UHRF1: variants seen among roughly 807,000 people sequenced by gnomAD.
The protein encoded by UHRF1 is E3 ubiquitin-protein ligase UHRF1.
UHRF1 carries 9 observed loss-of-function variants against 96.5 expected under a neutral mutation model. That is an observed-to-expected ratio of 0.09 (90% CI 0.06 to 0.16). The LOEUF (loss-of-function observed/expected upper bound fraction) is 0.16, where lower values mean the gene tolerates loss of function less well. Among genes scored for constraint, UHRF1 ranks in the 10% least tolerant of loss-of-function variants. The probability of loss-of-function intolerance (pLI) is 1.00; values close to 1 mark genes in which losing one functional copy is unlikely to be tolerated. For synonymous variants in UHRF1, 455 were observed against 469.9 expected, an observed-to-expected ratio of 0.97 and a Z score of 0.41; for missense variants, 626 against 1,131.1, an observed-to-expected ratio of 0.55 and a Z score of 6.40.
intron 2 of UHRF1, among the ~76,000 whole-genome samples, chr19:4,923,663 C>G (rs367791820): frequency 6.6e-6 from 1 of 152,236 alleles, no homozygotes; most frequent in Non-Finnish European, 1.5e-5. Context: ...GCCGCTCTAG[C>G]TTGGGTGCTC....
intron 5 of UHRF1, among the ~76,000 whole-genome samples, chr19:4,934,364 G>A (rs768338335): frequency 7.9e-5 from 12 of 152,078 alleles, no homozygotes; most frequent in Non-Finnish European, 1.0e-4. Flanking sequence ...ATGTTTAAGC[G>A]CACAGTTCGG....
intron 1 of UHRF1, chr19:4,909,870 C>T (rs928220640): frequency 1.6e-5 from 6 of 378,652 alleles, no homozygotes; most frequent in East Asian, 3.8e-5. Context: ...CGGAGCCCGG[C>T]GGGGGGTCGA....
Position 4,950,894 on chromosome 19 carries a change from G to A in UHRF1, c.1716G>A (p.Gly572=), listed in dbSNP as rs552657082. 2 of 1,613,910 alleles carry A rather than the reference G, an allele frequency of 1.2e-6. No individual in the cohort carries two copies. Among genetic ancestry groups the A allele is most frequent in the South Asian group, 1.1e-5 (1 of 91,076 alleles). The part of the protein sequence containing the change: ...VKYWPEKGKS[G]FLVWRYLLRR... ...ACTGGCCCGAGAAGGGGAAGTCCGG[G>A]TTTCTCGTGTGGCGCTACCTTCTGC... Residue 572 remains glycine, a synonymous_variant, in exon 13 of 17, where the codon GGG becomes GGA. Transcript: ENST00000650932.
intron 5 of UHRF1, among the ~76,000 whole-genome samples, chr19:4,939,790 C>T (rs1045598620): frequency 4.6e-5 from 7 of 152,160 alleles, no homozygotes; most frequent in Admixed American, 3.3e-4. Context: ...TTTGGGGGGC[C>T]GAGGTGGGCG....
intron 2 of UHRF1, among the ~76,000 whole-genome samples, chr19:4,928,857 G>A (rs2032955109): frequency 6.6e-6 from 1 of 152,182 alleles, no homozygotes; most frequent in Non-Finnish European, 1.5e-5. Context: ...GAGAAGCAGT[G>A]ACAGAGGTGA....
Position 4,954,858 on chromosome 19 carries a change from C to T in UHRF1, c.2130+36C>T, listed in dbSNP as rs182067243. On this transcript the variant is annotated intron_variant, in intron 15 of 16. Transcript: ENST00000650932. The surrounding 1 kb of genome is among the most constrained non-coding windows in gnomAD (Gnocchi z 5.9). ...ACGGCTCACTCGTCGCCCTGATTTG[C>T]GTTGACTGCGGTAAAATGTGTGGGG... is the stretch of plus-strand genomic sequence containing the variant. The T allele has an allele frequency of 1.1e-4, 178 of 1,606,838 alleles. 1 individual carries two copies. In the African/African-American group the frequency reaches 1.9e-3, roughly 17 times the overall value.
intron 5 of UHRF1, among the ~76,000 whole-genome samples, chr19:4,937,656 G>C (rs1038732961): frequency 6.6e-6 from 1 of 152,088 alleles, no homozygotes; most frequent in Admixed American, 6.6e-5. Context: ...GAGCCACTTC[G>C]CCCGGCCAGT....
intron 5 of UHRF1, among the ~76,000 whole-genome samples, chr19:4,935,995 G>A (rs2033204044): frequency 6.6e-6 from 1 of 152,228 alleles, no homozygotes; most frequent in Admixed American, 6.5e-5. Context: ...ACTGTCACAA[G>A]GCAGGGGTGT....
At chr19:4,924,826 G>GT (rs35008694) in intron 2 of UHRF1, among the ~76,000 whole-genome samples, 9,410 of 127,278 alleles carry the variant, frequency 0.074, 758 homozygotes, top group African/African-American at 0.19. Flanking sequence ...TTGGTGTTAA[G>GT]TTTTTTTTTT....
At chr19:4,952,697 T>C (rs1418584652) in intron 13 of UHRF1, among the ~76,000 whole-genome samples, 2 of 151,978 alleles carry the variant, frequency 1.3e-5, no homozygotes, top group Non-Finnish European at 2.9e-5. Context: ...TTTTTTTTTT[T>C]TTATGACTCT....
intron 5 of UHRF1, among the ~76,000 whole-genome samples, chr19:4,939,458 C>T (rs2033319276): frequency 6.6e-6 from 1 of 151,880 alleles, no homozygotes; most frequent in African/African-American, 2.4e-5. Context: ...TAGCTCACTG[C>T]AGCCTTGAAC....
At chr19:4,940,948 C>G (rs934172392) in intron 5 of UHRF1, among the ~76,000 whole-genome samples, 3 of 151,856 alleles carry the variant, frequency 2.0e-5, no homozygotes, top group Non-Finnish European at 4.4e-5. Context: ...GTTGGAATTA[C>G]AGGTCTGAGC....
intron 1 of UHRF1, among the ~76,000 whole-genome samples, chr19:4,909,995 C>T (rs1195415699): frequency 6.6e-6 from 1 of 150,916 alleles, no homozygotes; most frequent in Admixed American, 6.6e-5. Flanking sequence ...TTCGCGCGCC[C>T]TGAGTTCCCC....
rs774702816 is a variant in UHRF1, at chr19:4,960,724, G to A, written c.2303G>A (p.Arg768His). 2.7e-5 allele frequency: 42 copies of A among 1,572,078 alleles called. No homozygotes were observed. The highest frequency in any genetic ancestry group is 3.3e-5 in the Non-Finnish European group (38 of 1,159,476). Residue 768 changes from arginine to histidine, a missense_variant, in exon 17 of 17, where the codon CGC becomes CAC. Physicochemically the swap from Arg to His is conservative, Grantham distance 29 (BLOSUM62 0). Around this residue, in one of 11 missense-constraint regions of UHRF1, gnomAD observed 84 missense variants for 150.3 expected, o/e 0.56. Transcript: ENST00000650932. ...CCTGCCTGCCGCTACGACCTGGGCC[G>A]CAGCTATGCCATGCAGGTGAACCAG... ...SCPACRYDLG[R>H]SYAMQVNQPL...
At chr19:4,918,289 T>G (rs1473518811) in intron 2 of UHRF1, among the ~76,000 whole-genome samples, 1 of 151,522 alleles carries the variant, frequency 6.6e-6, no homozygotes, top group South Asian at 2.1e-4. Context: ...CCGGCTAATT[T>G]TTTTGTATTT....
At chr19:4,909,762 C>T (rs938169404) in intron 1 of UHRF1, 107 bp downstream of exon 1, 5 of 478,876 alleles carry the variant, frequency 1.0e-5, no homozygotes. Context: ...GCATGTCCCG[C>T]ACTCTGTCCC....
At chr19:4,946,652 A>G (rs1270232392) in intron 10 of UHRF1, among the ~76,000 whole-genome samples, 3 of 150,964 alleles carry the variant, frequency 2.0e-5, no homozygotes, top group African/African-American at 7.3e-5. Flanking sequence ...ACAGCTCACT[A>G]CAGCCACTAC....
At chr19:4,907,567 G>T (rs936142232), upstream of UHRF1, among the ~76,000 whole-genome samples, 1 of 151,902 alleles carries the variant, frequency 6.6e-6, no homozygotes, top group Non-Finnish European at 1.5e-5. Flanking sequence ...ACCACGCCCG[G>T]CCCACACATT....
chr19:4,956,412 G>A (rs1255301488), intron 15 of UHRF1, among the ~76,000 whole-genome samples: 1 of 152,212 alleles, frequency 6.6e-6, no homozygotes, highest in Non-Finnish European at 1.5e-5. Flanking sequence ...GGGTGTGCTT[G>A]GTGGTGCCAG....
Sources: gnomAD v4.1 joint callset for allele counts (sites outside exome capture counted in the v4.1 genomes callset) on GRCh38, gnomAD v4.1.1 for gene constraint, gnomAD v4.1.1 regional missense constraint, Gnocchi (gnomAD v3.1) non-coding constraint, MANE v1.5 for transcripts, NCBI Gene and HGNC (gene_info 2026-07-23, HGNC 2026-07-21) for gene names.